AGBL1: variants seen among roughly 807,000 people sequenced by gnomAD.
AGBL1 encodes AGBL carboxypeptidase 1, also known as cytosolic carboxypeptidase 4.
AGBL1 carries 130 observed loss-of-function variants against 118.9 expected under a neutral mutation model. The observed-to-expected ratio is 1.09, with a 90% CI of 0.95 to 1.26. The LOEUF is 1.26. Among genes scored for constraint, AGBL1 ranks in the 50% most tolerant of loss-of-function variants. AGBL1 has a pLI of 0.00. For synonymous variants in AGBL1, 555 were observed against 478.9 expected (o/e 1.16, Z -2.08); for missense variants, 1,584 against 1,298.1 (o/e 1.22, Z -3.38).
chr15:86,092,342 T>C (rs1025618851), intron 1 of AGBL1, among the ~76,000 whole-genome samples: 3 of 152,296 alleles, frequency 2.0e-5, no homozygotes, highest in Admixed American at 1.3e-4. Context: ...AGTAGCAATG[T>C]TCCCAGTGTA....
intron 17 of AGBL1, among the ~76,000 whole-genome samples, chr15:86,341,979 G>A (rs565905415): frequency 6.6e-6 from 1 of 152,300 alleles, no homozygotes; most frequent in Non-Finnish European, 1.5e-5. Flanking sequence ...GAACCCAGAT[G>A]TTAAAATAAG....
intron 21 of AGBL1, among the ~76,000 whole-genome samples, chr15:86,625,379 G>GTTTTTTTTTT (rs1199638580): frequency 1.7e-5 from 1 of 59,472 alleles, no homozygotes; most frequent in Non-Finnish European, 2.8e-5. Context: ...TTTTTTTTTT[G>GTTTTTTTTTT]TTTTTGTTTT....
chr15:86,115,892 A>T (rs2141560534), intron 1 of AGBL1, among the ~76,000 whole-genome samples: 1 of 152,188 alleles, frequency 6.6e-6, no homozygotes, highest in Non-Finnish European at 1.5e-5. Context: ...TCTGCTTTAT[A>T]CCTACTCTCC....
intron 16 of AGBL1, among the ~76,000 whole-genome samples, chr15:86,287,531 A>G (rs2079473491): frequency 1.3e-5 from 2 of 152,126 alleles, no homozygotes. Context: ...ATTCTTATAT[A>G]AGGGATCAAT....
intron 22 of AGBL1, among the ~76,000 whole-genome samples, chr15:86,750,603 T>C (rs2077835008): frequency 6.6e-6 from 1 of 152,114 alleles, no homozygotes; most frequent in African/African-American, 2.4e-5. Flanking sequence ...AGCAATGGGA[T>C]TGCTTATAAG....
At chr15:86,278,922 T>G (rs2141715151) in intron 15 of AGBL1, among the ~76,000 whole-genome samples, 1 of 152,334 alleles carries the variant, frequency 6.6e-6, no homozygotes, top group South Asian at 2.1e-4. Context: ...CTCTCAAGCC[T>G]TACGAAGCTG....
At chr15:86,443,187 C>T (rs377742009) in intron 18 of AGBL1, among the ~76,000 whole-genome samples, 19 of 152,284 alleles carry the variant, frequency 1.2e-4, no homozygotes, top group Non-Finnish European at 2.2e-4. Context: ...GACCATCTGC[C>T]GCAGGGCACC....
Position 86,271,663 on chromosome 15 carries a change from A to C in AGBL1, c.2032A>C (p.Lys678Gln). 6.2e-7 allele frequency: 1 copy of C among 1,613,556 alleles called. No homozygotes were observed. Among genetic ancestry groups the C allele is most frequent in the East Asian group, 2.2e-5 (1 of 44,872 alleles). The change falls in exon 15 of 23, where the codon AAA becomes CAA. Residue 678 changes from lysine to glutamine, a missense_variant. By Grantham distance (53) the Lys-to-Gln change is moderately conservative. Coordinates refer to ENST00000614907, the MANE Select transcript of AGBL1 (RefSeq NM_001386094.1). ...TTCTGTGAAGGAGGCTCTTCTTGGC[A>C]AACCCACCTGGATAAGGACAGGCCA... ...LYSVKEALLG[K>Q]PTWIRTGHEI...
intron 23 of AGBL1, among the ~76,000 whole-genome samples, chr15:86,931,368 G>C (rs74697171): frequency 3.3e-3 from 508 of 152,198 alleles, no homozygotes; most frequent in African/African-American, 0.012. Context: ...TTCAGAGTGA[G>C]GTACCTGATT....
chr15:86,509,264 C>T (rs2083023543), intron 18 of AGBL1, among the ~76,000 whole-genome samples: 1 of 152,018 alleles, frequency 6.6e-6, no homozygotes, highest in Admixed American at 6.6e-5. Context: ...TCCTGAAAGA[C>T]AGGTAGAATA....
chr15:86,582,847 A>G (rs568988727), intron 21 of AGBL1, among the ~76,000 whole-genome samples: 4 of 124,922 alleles, frequency 3.2e-5, no homozygotes, highest in Non-Finnish European at 6.5e-5. Context: ...AACATCACAC[A>G]CCGGAGACTG....
chr15:86,759,150 G>T (rs1237485312), intron 22 of AGBL1, among the ~76,000 whole-genome samples: 1 of 151,816 alleles, frequency 6.6e-6, no homozygotes, highest in Non-Finnish European at 1.5e-5. Flanking sequence ...ACAAAATCTT[G>T]CAGGATTCAT....
chr15:86,737,272 G>T (rs2077616047), intron 22 of AGBL1, among the ~76,000 whole-genome samples: 1 of 152,146 alleles, frequency 6.6e-6, no homozygotes, highest in Admixed American at 6.5e-5. Flanking sequence ...TCTGAGCTGG[G>T]CCTGATCAGG....
At chr15:86,405,343 C>G (rs934891086) in intron 18 of AGBL1, among the ~76,000 whole-genome samples, 1 of 145,226 alleles carries the variant, frequency 6.9e-6, no homozygotes, top group Non-Finnish European at 1.5e-5. Flanking sequence ...AACCCCGTCT[C>G]TATTAAAAAA....
At chr15:86,215,809 A>G (rs931512648) in intron 5 of AGBL1, among the ~76,000 whole-genome samples, 5 of 152,242 alleles carry the variant, frequency 3.3e-5, no homozygotes, top group African/African-American at 1.2e-4. Context: ...CAATTGTACC[A>G]TGAAGAACAG....
chr15:86,250,512 T>C (rs2078795663), intron 7 of AGBL1, among the ~76,000 whole-genome samples: 1 of 82,334 alleles, frequency 1.2e-5, no homozygotes, highest in Non-Finnish European at 2.2e-5. Flanking sequence ...GGCAACAGAG[T>C]AAGACTCTGT....
intron 22 of AGBL1, among the ~76,000 whole-genome samples, chr15:86,743,517 C>A (rs1169208600): frequency 6.6e-6 from 1 of 152,036 alleles, no homozygotes; most frequent in African/African-American, 2.4e-5. Context: ...AAGGTTGTGG[C>A]CATAGTGCAT....
At chr15:86,573,474 G>A (rs2084038722) in intron 21 of AGBL1, among the ~76,000 whole-genome samples, 1 of 152,240 alleles carries the variant, frequency 6.6e-6, no homozygotes, top group Admixed American at 6.5e-5. Context: ...GTATGTGTGT[G>A]TGTATGAAAC....
intron 22 of AGBL1, among the ~76,000 whole-genome samples, chr15:86,834,615 C>A (rs988992831): frequency 1.3e-5 from 2 of 152,130 alleles, no homozygotes; most frequent in African/African-American, 4.8e-5. Flanking sequence ...TATCAGGCAC[C>A]TCCTTATGTA....
Sources: allele counts gnomAD v4.1 joint callset (sites outside exome capture counted in the v4.1 genomes callset), GRCh38; gene constraint gnomAD v4.1.1; transcripts MANE v1.5; gene names NCBI Gene and HGNC (gene_info 2026-07-23, HGNC 2026-07-21).